Variants in SNX27 observed in about 807,000 individuals in gnomAD.
The protein encoded by SNX27 is sorting nexin 27.
A neutral mutation model predicts 71.6 loss-of-function variants in SNX27; 22 were observed. That is an observed-to-expected ratio of 0.31 (90% confidence interval 0.22 to 0.44). The LOEUF (loss-of-function observed/expected upper bound fraction) is 0.44. SNX27 is among the 20% of genes least tolerant of loss of function. The pLI is 1.00. For synonymous variants in SNX27, 269 were observed against 277.2 expected (o/e 0.97, Z 0.29); for missense variants, 531 against 698.6 (o/e 0.76, Z 2.70).
chr1:151,616,485 T>G (rs1442217962), intron 1 of SNX27, among the ~76,000 whole-genome samples: 1 of 152,236 alleles, frequency 6.6e-6, no homozygotes, highest in African/African-American at 2.4e-5. Context: ...TCATCAACTT[T>G]CCCTCATTAA....
chr1:151,644,862 A>G lies in SNX27; in HGVS notation c.543+5743A>G, dbSNP rs190515556. ...CAGCTAGGCTGGAGTGCAGTGGCGC[A>G]ATATTGGCCCACTGCAGCCTCTGCC... On this transcript the variant is annotated intron_variant, in intron 2 of 11. Transcript: ENST00000458013. Among the ~76,000 whole-genome samples, 720 of 151,978 alleles carry G rather than the reference A, an allele frequency of 4.7e-3. 1 individual carries two copies. The highest frequency in any genetic ancestry group is 7.7e-3 in the Non-Finnish European group (520 of 67,940).
intron 2 of SNX27, among the ~76,000 whole-genome samples, chr1:151,649,997 C>T (rs2102655876): frequency 6.6e-6 from 1 of 152,242 alleles, no homozygotes; most frequent in Non-Finnish European, 1.5e-5. Flanking sequence ...AAGCAATTCT[C>T]CTGCCTCAGC....
chr1:151,625,351 C>A (rs745638529), intron 1 of SNX27, among the ~76,000 whole-genome samples: 3 of 151,710 alleles, frequency 2.0e-5, no homozygotes, highest in Non-Finnish European at 2.9e-5. Flanking sequence ...ATTAAAAATA[C>A]AAAAATTAGT....
chr1:151,693,851 G>C, intron 11 of SNX27: 8 of 1,423,404 alleles, frequency 5.6e-6, no homozygotes, highest in Non-Finnish European at 7.3e-6. Context: ...GACTGGATGA[G>C]TCCTGGCAGT....
In SNX27 at chr1:151,693,503, G is replaced by A. The variant is rs1394087469; in HGVS notation, c.1578+20G>A. 1.2e-6 allele frequency: 2 copies of A among 1,613,832 alleles called. No homozygotes were observed. Among genetic ancestry groups the A allele is most frequent in the Admixed American group, 3.3e-5 (2 of 60,002 alleles). On this transcript the variant is annotated intron_variant, in intron 11 of 11. Coordinates refer to ENST00000458013, the MANE Select transcript of SNX27 (RefSeq NM_001330723.2). ...AAAGAGGTAATTCTGAACAGTCCTT[G>A]AATTGACCTTTTCATCTTTTTGTTT...
chr1:151,690,233 G>A (rs1671374096), intron 8 of SNX27, among the ~76,000 whole-genome samples: 1 of 152,062 alleles, frequency 6.6e-6, no homozygotes, highest in Admixed American at 6.5e-5. Context: ...GATAGCCTTC[G>A]ACTTTCTGCC....
chr1:151,699,008 T>C lies in SNX27; in HGVS notation c.*4591T>C, dbSNP rs539837706. ...TGTTCTAGAGCTAACCACTCTAAAA[T>C]TGTTTGGTAATGTCACTTAGTGTAA... On this transcript the variant is annotated 3_prime_UTR_variant, in exon 12 of 12. Coordinates refer to ENST00000458013, the MANE Select transcript of SNX27 (RefSeq NM_001330723.2). 5 of 152,794 alleles carry C rather than the reference T, an allele frequency of 3.3e-5. No individual in the cohort carries two copies. Among genetic ancestry groups the C allele is most frequent in the African/African-American group, 9.6e-5 (4 of 41,586 alleles). 9.5% of individuals were successfully genotyped at this position (152,794 alleles called of 1,614,324 possible). A position where few individuals can be genotyped will look rare whatever the true frequency, so the allele number is the denominator to read the frequency against.
chr1:151,694,402 A>G lies in SNX27; in HGVS notation c.1611A>G (p.Arg537=). 1.3e-6 allele frequency: 2 copies of G among 1,550,126 alleles called. No homozygotes were observed. The highest frequency in any genetic ancestry group is 1.7e-6 in the Non-Finnish European group (2 of 1,146,852). The part of the protein sequence containing the change: ...NIFQMARSQQ[R]DVAT ...TCCAGATGGCGAGGTCACAGCAGAG[A>G]GATGTGGCCACCTAGCCTTTCCTTA... The change falls in exon 12 of 12, where the codon AGA becomes AGG. Residue 537 remains arginine (R), a synonymous_variant. Transcript: ENST00000458013.
Position 151,621,039 on chromosome 1 carries a change from G to A in SNX27, c.311+8527G>A, listed in dbSNP as rs142410203. Among the ~76,000 whole-genome samples, 81 of 152,224 alleles carry A rather than the reference G, an allele frequency of 5.3e-4. No individual in the cohort carries two copies. The East Asian group carries it at 0.015, about 29-fold the overall frequency. On this transcript the variant is annotated intron_variant, in intron 1 of 11. Coordinates refer to ENST00000458013, the MANE Select transcript of SNX27 (RefSeq NM_001330723.2). Reference sequence around the variant, plus strand: ...CTTTTATTTTGGCATACAGCATGTTGGGAGCTGAGTGGACTGAAGACGGGG... The same window carrying A: ...CTTTTATTTTGGCATACAGCATGTTAGGAGCTGAGTGGACTGAAGACGGGG...
chr1:151,674,359 A>T (rs1328848769), intron 7 of SNX27, among the ~76,000 whole-genome samples: 1 of 152,154 alleles, frequency 6.6e-6, no homozygotes, highest in African/African-American at 2.4e-5. Context: ...ATACCCCCAC[A>T]CTTTTTAACT....
chr1:151,622,326 A>C (rs938230738), intron 1 of SNX27, among the ~76,000 whole-genome samples: 2 of 152,100 alleles, frequency 1.3e-5, no homozygotes, highest in Non-Finnish European at 2.9e-5. Flanking sequence ...ACCACTTGGG[A>C]TTAATTGAAT....
Position 151,692,432 on chromosome 1 carries a change from T to TTTTTTACAAAAA in SNX27, c.1240-3_1240-2insTTTTTACAAAAA. The TTTTTTACAAAAA allele has an allele frequency of 6.9e-7, 1 of 1,452,070 alleles. No homozygotes were observed. The highest frequency in any genetic ancestry group is 9.1e-7 in the Non-Finnish European group (1 of 1,101,930). 89.9% of individuals were successfully genotyped at this position (1,452,070 alleles called of 1,614,324 possible). The stretch of plus-strand genomic sequence containing the variant: ...TTTTTTTTTTTTTTTTTTTTTTTTT[T>TTTTTTACAAAAA]AGTACCTCAACATGCTAAGGACTTG... On this transcript the variant is annotated splice_polypyrimidine_tract_variant and splice_region_variant and intron_variant, in intron 8 of 11. Coordinates refer to ENST00000458013, the MANE Select transcript of SNX27 (RefSeq NM_001330723.2).
At chr1:151,653,414 C>T (rs960327347) in intron 2 of SNX27, among the ~76,000 whole-genome samples, 2 of 152,166 alleles carry the variant, frequency 1.3e-5, no homozygotes, top group Non-Finnish European at 2.9e-5. Flanking sequence ...TTTGTTATAG[C>T]TATCATTACC....
chr1:151,641,934 GAT>G (rs1195016926), intron 2 of SNX27, among the ~76,000 whole-genome samples: 3 of 122,592 alleles, frequency 2.4e-5, no homozygotes, highest in African/African-American at 6.3e-5. Context: ...ATATATATGA[GAT>G]ATATATATCA....
intron 3 of SNX27, among the ~76,000 whole-genome samples, chr1:151,658,629 A>G (rs1267276785): frequency 6.6e-6 from 1 of 152,158 alleles, no homozygotes; most frequent in Non-Finnish European, 1.5e-5. Flanking sequence ...TGGTTTGTTG[A>G]ATGCTTAACA....
chr1:151,669,615 G>A (rs967516973), intron 7 of SNX27, among the ~76,000 whole-genome samples: 2 of 152,084 alleles, frequency 1.3e-5, no homozygotes, highest in African/African-American at 2.4e-5. Flanking sequence ...TGGCCTTCTG[G>A]GATTGCCCTT....
At chr1:151,683,613 A>G (rs544596403) in intron 8 of SNX27, among the ~76,000 whole-genome samples, 168 bp downstream of exon 8, 44 of 151,476 alleles carry the variant, frequency 2.9e-4, no homozygotes, top group African/African-American at 1.0e-3. Flanking sequence ...TCTCCATTTA[A>G]CACACAAAGA....
chr1:151,646,965 C>G (rs1310720742), intron 2 of SNX27, among the ~76,000 whole-genome samples: 1 of 151,714 alleles, frequency 6.6e-6, no homozygotes, highest in Non-Finnish European at 1.5e-5. Context: ...CCCCCGCCAT[C>G]CTTTGTGCTA....
chr1:151,641,598 G>GAGATATATATAT (rs1668722029), intron 2 of SNX27, among the ~76,000 whole-genome samples: 1 of 78,994 alleles, frequency 1.3e-5, no homozygotes, highest in African/African-American at 4.4e-5. Context: ...TCCTTTATCA[G>GAGATATATATAT]ATATATATAT....
Sources: allele counts gnomAD v4.1 joint callset (sites outside exome capture counted in the v4.1 genomes callset), GRCh38; gene constraint gnomAD v4.1.1; transcripts MANE v1.5; gene names NCBI Gene and HGNC (gene_info 2026-07-23, HGNC 2026-07-21).